ZFYVE28: variants seen among roughly 807,000 people sequenced by gnomAD.
ZFYVE28 encodes the protein lateral signaling target protein 2 homolog.
A neutral mutation model predicts 82.1 loss-of-function variants in ZFYVE28; 40 were observed. That is an observed-to-expected ratio of 0.49 (90% CI 0.38 to 0.63). ZFYVE28 has a LOEUF of 0.63. ZFYVE28 is among the 30% of genes least tolerant of loss of function. The pLI is 0.00. For synonymous variants in ZFYVE28, 612 were observed against 546.1 expected (o/e 1.12, Z -1.68); for missense variants, 1,321 against 1,242.1 (o/e 1.06, Z -0.96).
At chr4:2,400,042 C>T (rs2108934436) in intron 1 of ZFYVE28, among the ~76,000 whole-genome samples, 1 of 152,368 alleles carries the variant, frequency 6.6e-6, no homozygotes, top group South Asian at 2.1e-4. Flanking sequence ...GCTTCAGATG[C>T]TGCCTCTCCA....
intron 6 of ZFYVE28, among the ~76,000 whole-genome samples, chr4:2,321,332 G>T (rs908813540): frequency 1.3e-5 from 2 of 152,198 alleles, no homozygotes; most frequent in African/African-American, 4.8e-5. Flanking sequence ...ACCCAGCTCA[G>T]TGAGAAAGGC....
rs546308701 is a variant in ZFYVE28, at chr4:2,272,184, G to A, written c.2324-405C>T. On this transcript the variant is annotated intron_variant, in intron 10 of 12. Coordinates refer to ENST00000290974, the MANE Select transcript of ZFYVE28 (RefSeq NM_020972.3). ...CCTCCCTGGTAGAATGCAGCCTGGC[G>A]GTGTGGATTCGGCAGGGCAGAGCTG... Among the ~76,000 whole-genome samples, 277 of 152,348 alleles carry A rather than the reference G, an allele frequency of 1.8e-3. 1 individual carries two copies. Among genetic ancestry groups the A allele is most frequent in the Non-Finnish European group, 2.9e-3 (195 of 68,020 alleles).
rs1487939570 is a variant in ZFYVE28 at position 2,417,509 on chromosome 4, G to A, written c.39+776C>T. Among the ~76,000 whole-genome samples, 1 of 151,422 alleles carries A rather than the reference G, an allele frequency of 6.6e-6. No individual in the cohort carries two copies. The highest frequency in any genetic ancestry group is 1.5e-5 in the Non-Finnish European group (1 of 67,800). ...AGGCGCGGGCGCCGGCTGGAGAGCCGCACCTCCCGCCCCGCCGAGGCTGCT... is the reference window on the plus strand; with the variant it reads ...AGGCGCGGGCGCCGGCTGGAGAGCCACACCTCCCGCCCCGCCGAGGCTGCT... On this transcript the variant is annotated intron_variant, in intron 1 of 12. Coordinates refer to ENST00000290974, the MANE Select transcript of ZFYVE28 (RefSeq NM_020972.3). The surrounding 1 kb of genome is among the most constrained non-coding windows in gnomAD (Gnocchi z 4.8).
Position 2,339,383 on chromosome 4 carries a change from G to A in ZFYVE28, c.521+70C>T, listed in dbSNP as rs1312666021. 2 of 1,519,934 alleles carry A rather than the reference G, an allele frequency of 1.3e-6. No homozygotes were observed. The highest frequency in any genetic ancestry group is 1.8e-6 in the Non-Finnish European group (2 of 1,120,114). 94.2% of individuals were successfully genotyped at this position (1,519,934 alleles called of 1,614,324 possible). A position where few individuals can be genotyped will look rare whatever the true frequency, so the allele number is the denominator to read the frequency against. On this transcript the variant is annotated intron_variant, in intron 4 of 12. Coordinates refer to ENST00000290974, the MANE Select transcript of ZFYVE28 (RefSeq NM_020972.3). This position sits in a 1 kb window ranked among gnomAD's most constrained non-coding sequence, Gnocchi z 5.0. ...ATTTTCCAGCTTGAAGTATCAGGGT[G>A]AGCCCCGGAAGCTGGCACAACCGTC...
chr4:2,306,157 G>T (rs1716539050), intron 7 of ZFYVE28, among the ~76,000 whole-genome samples: 1 of 152,268 alleles, frequency 6.6e-6, no homozygotes, highest in Non-Finnish European at 1.5e-5. Context: ...CCTGGAGGAA[G>T]AAGCATTGAG....
intron 8 of ZFYVE28, among the ~76,000 whole-genome samples, chr4:2,290,111 C>T (rs915245106): frequency 7.2e-5 from 11 of 152,306 alleles, no homozygotes; most frequent in Non-Finnish European, 1.2e-4. Flanking sequence ...AGCCACCCCC[C>T]GGTCACCAGG....
chr4:2,305,714 G>A (rs141399551), intron 7 of ZFYVE28, among the ~76,000 whole-genome samples, 178 bp from the exon 8 acceptor site: 397 of 152,350 alleles, frequency 2.6e-3, no homozygotes, highest in Non-Finnish European at 4.4e-3. Context: ...ACAAGGCTCC[G>A]GTCTCGCCGG....
intron 1 of ZFYVE28, among the ~76,000 whole-genome samples, chr4:2,363,500 C>G (rs1425645292): frequency 1.2e-5 from 1 of 80,826 alleles, no homozygotes; most frequent in Non-Finnish European, 2.9e-5. Context: ...GGGCTCTAAC[C>G]TGCGGCTGCT....
At chr4:2,351,895 T>C (rs1211524291) in intron 2 of ZFYVE28, among the ~76,000 whole-genome samples, 4 of 152,216 alleles carry the variant, frequency 2.6e-5, no homozygotes, top group Non-Finnish European at 4.4e-5. Flanking sequence ...TTCTGGCTTA[T>C]TTTTAAAAAT....
chr4:2,297,786 G>A (rs564467539), intron 8 of ZFYVE28, among the ~76,000 whole-genome samples: 1 of 151,776 alleles, frequency 6.6e-6, no homozygotes, highest in Admixed American at 6.5e-5. Context: ...ACGGCGGGCT[G>A]TGCTGGGAGG....
In ZFYVE28 at chr4:2,417,071, C is replaced by T. The variant is rs1256263246; in HGVS notation, c.39+1214G>A. Among the ~76,000 whole-genome samples, 8 of 152,226 alleles carry T rather than the reference C, an allele frequency of 5.3e-5. No individual in the cohort carries two copies. Among genetic ancestry groups the T allele is most frequent in the Non-Finnish European group, 8.8e-5 (6 of 68,042 alleles). On this transcript the variant is annotated intron_variant, in intron 1 of 12. Transcript: ENST00000290974. The surrounding 1 kb of genome is among the most constrained non-coding windows in gnomAD (Gnocchi z 4.8). ...GCTCACCCACGGTGGAGGCGGAGGC[C>T]TGGGACGCTGGACGGAGAAAGGCGG...
intron 1 of ZFYVE28, among the ~76,000 whole-genome samples, chr4:2,380,572 C>G (rs929786327): frequency 6.6e-6 from 1 of 152,148 alleles, no homozygotes; most frequent in Non-Finnish European, 1.5e-5. Flanking sequence ...TGTGGGCCAC[C>G]TTTTGATATG....
chr4:2,392,154 A>C (rs1312459252), intron 1 of ZFYVE28, among the ~76,000 whole-genome samples: 14 of 141,120 alleles, frequency 9.9e-5, no homozygotes, highest in Admixed American at 1.4e-4. Flanking sequence ...ACTCCATCCC[A>C]AAAAAAAAAA....
rs554528568 is a variant in ZFYVE28, at chr4:2,300,821, G to A, written c.2051+3468C>T. ...CAAGGCCGTGCCCACTGTTCCCTCT[G>A]AACCGTCCACGCCACAACCACAGGG... On this transcript the variant is annotated intron_variant, in intron 8 of 12. Transcript: ENST00000290974. This position sits in a 1 kb window ranked among gnomAD's most constrained non-coding sequence, Gnocchi z 4.6. 6.6e-6 allele frequency among the ~76,000 whole-genome samples: 1 copy of A among 152,242 alleles called. No individual in the cohort carries two copies. The highest frequency in any genetic ancestry group is 1.9e-4 in the East Asian group (1 of 5,178).
chr4:2,336,738 T>G (rs1476443492), intron 5 of ZFYVE28, among the ~76,000 whole-genome samples: 2 of 131,016 alleles, frequency 1.5e-5, no homozygotes, highest in African/African-American at 3.0e-5. Flanking sequence ...AGGTGAGGAG[T>G]AAGGAGGTGA....
At position 2,279,513 on chromosome 4, in the gene ZFYVE28, C is replaced by T. The variant is rs1374600885; in HGVS notation, c.2052-5297G>A. Among the ~76,000 whole-genome samples the T allele has an allele frequency of 3.3e-5, 5 of 152,166 alleles. No homozygotes were observed. In the East Asian group the frequency reaches 7.7e-4, roughly 23 times the overall value. On this transcript the variant is annotated intron_variant, in intron 8 of 12. Transcript: ENST00000290974. ...ATCACAAACTGGCCGGGTGCAGTGGCTCACACCTGTAATCCCAGCACTTTG... is the reference window on the plus strand; with the variant it reads ...ATCACAAACTGGCCGGGTGCAGTGGTTCACACCTGTAATCCCAGCACTTTG...
At chr4:2,387,155 G>A (rs912717666) in intron 1 of ZFYVE28, among the ~76,000 whole-genome samples, 3 of 152,216 alleles carry the variant, frequency 2.0e-5, no homozygotes, top group Non-Finnish European at 4.4e-5. Context: ...GAGGAGGCTG[G>A]CCCACCCCGG....
intron 8 of ZFYVE28, among the ~76,000 whole-genome samples, chr4:2,302,936 C>T (rs1463721733): frequency 6.6e-6 from 1 of 152,256 alleles, no homozygotes; most frequent in East Asian, 1.9e-4. Flanking sequence ...CCCTCCTAGC[C>T]TTCAAAACGC....
intron 8 of ZFYVE28, among the ~76,000 whole-genome samples, chr4:2,291,051 C>A (rs1236671893): frequency 6.6e-6 from 1 of 152,230 alleles, no homozygotes; most frequent in African/African-American, 2.4e-5. Context: ...GCTCCTGCCC[C>A]CGGCACACGA....
Sources: gnomAD v4.1 joint callset for allele counts (sites outside exome capture counted in the v4.1 genomes callset) on GRCh38, gnomAD v4.1.1 for gene constraint, Gnocchi (gnomAD v3.1) non-coding constraint, MANE v1.5 for transcripts, NCBI Gene and HGNC (gene_info 2026-07-23, HGNC 2026-07-21) for gene names.